The following ZSCAN18 variants were observed in gnomAD, a reference collection of about 807,000 sequenced individuals.
ZSCAN18 encodes zinc finger and SCAN domain containing 18.
Under a neutral mutation model 31.1 loss-of-function variants are expected in ZSCAN18, and 16 were observed. The observed-to-expected ratio is 0.51, with a 90% CI of 0.35 to 0.78. ZSCAN18 has a LOEUF of 0.78. Ranked by LOEUF, ZSCAN18 falls within the 30% of genes least tolerant of loss-of-function variation. The probability of loss-of-function intolerance (pLI) is 0.01; values close to 1 mark genes in which losing one functional copy is unlikely to be tolerated. For synonymous variants in ZSCAN18, 375 were observed against 320.7 expected, an observed-to-expected ratio of 1.17 and a Z score of -1.81; for missense variants, 731 against 697.4, an observed-to-expected ratio of 1.05 and a Z score of -0.54.
Position 58,113,184 on chromosome 19 carries a change from C to T in ZSCAN18, c.130+5083G>A, listed in dbSNP as rs142716344. The stretch of plus-strand genomic sequence containing the variant: ...CAAAAAAATTAGCCAGGTGTGGTGG[C>T]GGGCACCTGTAGTCCCAGCTACTCG... On this transcript the variant is annotated intron_variant, in intron 1 of 1. Transcript: ENST00000595721. Among the ~76,000 whole-genome samples, 1,185 of 151,354 alleles carry T rather than the reference C, an allele frequency of 7.8e-3. 27 individuals are homozygous for T. The highest frequency in any genetic ancestry group is 0.027 in the African/African-American group (1,094 of 41,216).
upstream of ZSCAN18, among the ~76,000 whole-genome samples, chr19:58,098,885 G>A (rs910390294): frequency 1.3e-5 from 2 of 152,150 alleles, no homozygotes; most frequent in Admixed American, 6.5e-5. Flanking sequence ...CAGTTTCAAG[G>A]AGTGGATAGA....
Position 58,090,594 on chromosome 19 carries a change from A to T in ZSCAN18, c.-119-208T>A. On this transcript the variant is annotated intron_variant, in intron 1 of 6. Transcript: ENST00000601144. This position sits in a 1 kb window ranked among gnomAD's most constrained non-coding sequence, Gnocchi z 4.7. ...GTAACTCATTCTGTGCATTACCAGA[A>T]TTTTTTTTTCTTTGAGACCGAGTCA... 1 of 455,816 alleles carries T rather than the reference A, an allele frequency of 2.2e-6. No individual in the cohort carries two copies. The highest frequency in any genetic ancestry group is 3.9e-5 in the Admixed American group (1 of 25,464). The allele number at this position is 455,816 out of a possible 1,614,324, so 28.2% of individuals were successfully genotyped here.
At chr19:58,088,403 T>G (rs752647950) in intron 3 of ZSCAN18, 2 of 348,490 alleles carry the variant, frequency 5.7e-6, no homozygotes, top group Non-Finnish European at 5.4e-6. Flanking sequence ...TGAGACCCTT[T>G]ATTTTCAGAG....
chr19:58,117,546 T>C (rs116751516), intron 1 of ZSCAN18, among the ~76,000 whole-genome samples: 479 of 147,882 alleles, frequency 3.2e-3, no homozygotes, highest in African/African-American at 0.011. Flanking sequence ...TTAGGAGGAG[T>C]AGGATGAAAA....
At chr19:58,108,081 G>GT (rs1354054911) in intron 1 of ZSCAN18, 2 of 994,310 alleles carry the variant, frequency 2.0e-6, no homozygotes, top group East Asian at 2.1e-4. Flanking sequence ...TTTTCACATT[G>GT]TTTAACTCAT....
chr19:58,087,305 T>TG lies in ZSCAN18; in HGVS notation c.642+10dup, dbSNP rs1209224614. On this transcript the variant is annotated intron_variant, in intron 4 of 6. Coordinates refer to ENST00000601144, the MANE Select transcript of ZSCAN18 (RefSeq NM_001145543.2). ...CCAAGGCCCCTCACCCACCTGCTCG[T>TG]GCCCACCCACCTGCTCGGTGTTGGC... 1 of 1,597,784 alleles carries TG rather than the reference T, an allele frequency of 6.3e-7. No individual in the cohort carries two copies. The highest frequency in any genetic ancestry group is 1.3e-5 in the African/African-American group (1 of 74,820).
intron 3 of ZSCAN18, 182 bp downstream of exon 3, chr19:58,088,506 A>T: frequency 1.7e-6 from 1 of 591,158 alleles, no homozygotes; most frequent in Non-Finnish European, 2.9e-6. Context: ...ATAATCTCTG[A>T]AGACTAATTT....
intron 5 of ZSCAN18, 39 bp downstream of exon 5, chr19:58,086,867 T>A (rs921765543): frequency 6.6e-7 from 1 of 1,519,264 alleles, no homozygotes; most frequent in African/African-American, 1.4e-5. Flanking sequence ...CGGAAGGGGA[T>A]GGGGAGTGGG....
At chr19:58,098,790 A>C (rs1191049051), upstream of ZSCAN18, among the ~76,000 whole-genome samples, 2 of 152,214 alleles carry the variant, frequency 1.3e-5, no homozygotes, top group Admixed American at 1.3e-4. Context: ...CTGGACAGAG[A>C]TACAGAGACA....
upstream of ZSCAN18, among the ~76,000 whole-genome samples, chr19:58,099,912 T>C (rs1464942690): frequency 6.6e-6 from 1 of 152,096 alleles, no homozygotes; most frequent in Non-Finnish European, 1.5e-5. Context: ...TCTGTTCGTA[T>C]CTTTTGCCCA....
rs182239944 is a variant in ZSCAN18, at chr19:58,112,597, G to C, written c.130+5670C>G. ...ACCCAGGAGGCGGAGATTGCAGTGA[G>C]CCGAGATCACACCACTGCACTCCAG... On this transcript the variant is annotated intron_variant, in intron 1 of 1. Transcript: ENST00000595721. 5.6e-3 allele frequency among the ~76,000 whole-genome samples: 850 copies of C among 150,456 alleles called. 39 individuals carry two copies. The highest frequency in any genetic ancestry group is 0.048 in the Admixed American group (722 of 15,118).
intron 1 of ZSCAN18, among the ~76,000 whole-genome samples, chr19:58,106,927 A>AT (rs201700863): frequency 1.1e-4 from 16 of 150,132 alleles, no homozygotes; most frequent in East Asian, 4.1e-4. Context: ...CGCCTGGCTA[A>AT]TTTTTTTTTG....
chr19:58,100,958 C>T (rs749897051), upstream of ZSCAN18, among the ~76,000 whole-genome samples: 4 of 152,122 alleles, frequency 2.6e-5, no homozygotes, highest in Non-Finnish European at 5.9e-5. Context: ...AAAAGGCTAT[C>T]TTTCCTGCAT....
intron 6 of ZSCAN18, chr19:58,085,921 C>T: frequency 2.2e-6 from 1 of 452,456 alleles, no homozygotes. Context: ...CCCCCGGGAC[C>T]AGTCATACAC....
chr19:58,090,191 G>A lies in ZSCAN18; in HGVS notation c.77C>T (p.Ala26Val), dbSNP rs913702219. ...APPDLPTPGS[A>V]AGVQQEEPET... ...GGGTTCTTCCTGCTGGACTCCGGCT[G>A]CTGACCCCGGCGTGGGCAGATCCGG... The change falls in exon 2 of 7, where the codon GCA becomes GTA. Residue 26 changes from alanine to valine, a missense_variant. By Grantham distance (64) the Ala-to-Val change is moderately conservative. This residue lies in a region of ZSCAN18 where 86 missense variants were observed against 119.1 expected (regional missense o/e 0.72). Coordinates refer to ENST00000601144, the MANE Select transcript of ZSCAN18 (RefSeq NM_001145543.2). This position sits in a 1 kb window ranked among gnomAD's most constrained non-coding sequence, Gnocchi z 4.7. The A allele has an allele frequency of 2.5e-6, 4 of 1,613,728 alleles. No homozygotes were observed. Among genetic ancestry groups the A allele is most frequent in the Non-Finnish European group, 3.4e-6 (4 of 1,180,002 alleles).
In ZSCAN18 at chr19:58,084,958, C is replaced by A. The variant is rs369847302; in HGVS notation, c.1260G>T (p.Glu420Asp). Residue 420 changes from glutamate to aspartate, a missense_variant, in exon 7 of 7, where the codon GAG becomes GAT. Physicochemically the swap from Glu to Asp is conservative, Grantham distance 45. Transcript: ENST00000601144. This position sits in a 1 kb window ranked among gnomAD's most constrained non-coding sequence, Gnocchi z 4.5. ...TCAGGTGCGAGAGCCACGCGAAGGC[C>A]TCCCCGCACTCGCCGCAGGCATAGG... The part of the protein sequence containing the change: ...GKPYACGECG[E>D]AFAWLSHLME... The A allele has an allele frequency of 3.1e-6, 5 of 1,599,074 alleles. No individual in the cohort carries two copies. The highest frequency in any genetic ancestry group is 3.4e-6 in the Non-Finnish European group (4 of 1,174,928).
intron 1 of ZSCAN18, among the ~76,000 whole-genome samples, chr19:58,096,468 C>A (rs975062545): frequency 2.6e-5 from 4 of 152,234 alleles, no homozygotes; most frequent in African/African-American, 9.6e-5. Flanking sequence ...GCCTGGAATA[C>A]AGAAGCTGAG....
At chr19:58,096,171 G>A (rs1024573597) in intron 1 of ZSCAN18, among the ~76,000 whole-genome samples, 1 of 152,194 alleles carries the variant, frequency 6.6e-6, no homozygotes, top group Non-Finnish European at 1.5e-5. Context: ...GTTGGAGGCT[G>A]TGATTGGCCA....
At chr19:58,105,986 A>G (rs1432713459) in intron 1 of ZSCAN18, among the ~76,000 whole-genome samples, 2 of 151,808 alleles carry the variant, frequency 1.3e-5, no homozygotes, top group East Asian at 1.9e-4. Context: ...ATCAAAAAAG[A>G]AAAAAAAAGG....
Sources: allele counts gnomAD v4.1 joint callset (sites outside exome capture counted in the v4.1 genomes callset), GRCh38; gene constraint gnomAD v4.1.1; regional missense constraint gnomAD v4.1.1; non-coding constraint Gnocchi (gnomAD v3.1); transcripts MANE v1.5; gene names NCBI Gene and HGNC (gene_info 2026-07-23, HGNC 2026-07-21).